SV2C: variants seen among roughly 807,000 people sequenced by gnomAD.
SV2C encodes the protein solute carrier family 22 member B3.
SV2C carries 49 observed loss-of-function variants against 79.7 expected under a neutral mutation model. That is an observed-to-expected ratio of 0.61 (90% CI 0.49 to 0.78). The LOEUF is 0.78. SV2C is among the 30% of genes least tolerant of loss of function. SV2C has a pLI of 0.00. For synonymous variants in SV2C, 334 were observed against 333.2 expected (o/e 1.00, Z -0.03); for missense variants, 833 against 912.9 (o/e 0.91, Z 1.13).
the SV2C span, among the ~76,000 whole-genome samples, chr5:76,040,008 A>C: frequency 1.3e-5 from 2 of 152,202 alleles, no homozygotes. Context: ...GGCATCTTTT[A>C]TACAAAGGAC....
chr5:76,019,637 T>C, the SV2C span, among the ~76,000 whole-genome samples: 1 of 152,094 alleles, frequency 6.6e-6, no homozygotes, highest in African/African-American at 2.4e-5. Context: ...ATTCTATAAA[T>C]TGGGCTAATT....
rs550168883 is a variant in SV2C at position 76,151,709 on chromosome 5, C to G, written c.580+19379C>G. Among the ~76,000 whole-genome samples, 3 of 152,238 alleles carry G rather than the reference C, an allele frequency of 2.0e-5. No homozygotes were observed. The East Asian group carries it at 5.8e-4, about 29-fold the overall frequency. On this transcript the variant is annotated intron_variant, in intron 2 of 12. Coordinates refer to ENST00000502798, the MANE Select transcript of SV2C (RefSeq NM_014979.4). Reference sequence around the variant, plus strand: ...GTTGGCGGGGAGGTGGGAGAGCCCACTTGTAGGAAGGAAGATGTGTTTGGT... The same window carrying G: ...GTTGGCGGGGAGGTGGGAGAGCCCAGTTGTAGGAAGGAAGATGTGTTTGGT...
chr5:76,128,939 T>C (rs1306438230), intron 1 of SV2C, among the ~76,000 whole-genome samples: 1 of 152,214 alleles, frequency 6.6e-6, no homozygotes, highest in Non-Finnish European at 1.5e-5. Flanking sequence ...GATACAAATC[T>C]GCCATTTTCC....
the SV2C span, among the ~76,000 whole-genome samples, chr5:76,039,756 CAAAAAAAAA>C: frequency 0.012 from 1,440 of 119,088 alleles, 24 homozygotes; most frequent in African/African-American, 0.042. Flanking sequence ...AACTCCATCT[CAAAAAAAAA>C]AAAAAAAAGA....
the SV2C span, among the ~76,000 whole-genome samples, chr5:76,004,499 T>C: frequency 2.0e-5 from 3 of 152,310 alleles, no homozygotes; most frequent in Admixed American, 1.3e-4. Flanking sequence ...TATACATTAC[T>C]TTCAGCATCA....
At chr5:75,967,895 A>G in the SV2C span, among the ~76,000 whole-genome samples, 6 of 152,230 alleles carry the variant, frequency 3.9e-5, no homozygotes, top group African/African-American at 1.4e-4. Flanking sequence ...CCTGACCCCC[A>G]AGTAGCCTAA....
At chr5:76,075,938 A>T in the SV2C span, 1 of 202,636 alleles carries the variant, frequency 4.9e-6, no homozygotes, top group South Asian at 1.0e-4. Context: ...TTTATTTACT[A>T]TTTTTTGCAT....
the SV2C span, among the ~76,000 whole-genome samples, chr5:75,956,913 T>G: frequency 6.6e-6 from 1 of 151,854 alleles, no homozygotes; most frequent in Non-Finnish European, 1.5e-5. Context: ...CTCCTACAGA[T>G]TTGCACATAC....
chr5:75,996,266 C>G, the SV2C span, among the ~76,000 whole-genome samples: 9 of 152,198 alleles, frequency 5.9e-5, no homozygotes, highest in South Asian at 8.3e-4. Flanking sequence ...GCTTGTTTTT[C>G]TCAGGTTTGT....
At chr5:76,254,262 A>T (rs1341188719) in intron 4 of SV2C, among the ~76,000 whole-genome samples, 1 of 151,414 alleles carries the variant, frequency 6.6e-6, no homozygotes, top group Non-Finnish European at 1.5e-5. Context: ...ATATATAGAG[A>T]GAGAGAGAGA....
At chr5:76,104,040 T>C (rs1747825652) in intron 1 of SV2C, among the ~76,000 whole-genome samples, 1 of 152,186 alleles carries the variant, frequency 6.6e-6, no homozygotes, top group Admixed American at 6.5e-5. Context: ...TTCTATGTAG[T>C]CTATGGAAGG....
chr5:76,153,158 C>G (rs551639211), intron 2 of SV2C, among the ~76,000 whole-genome samples: 2 of 152,096 alleles, frequency 1.3e-5, no homozygotes, highest in Non-Finnish European at 2.9e-5. Context: ...GTAGGGACCC[C>G]GAGCTCTTTC....
intron 12 of SV2C, among the ~76,000 whole-genome samples, chr5:76,312,244 AG>A (rs932664613): frequency 5.5e-5 from 8 of 145,206 alleles, no homozygotes; most frequent in Non-Finnish European, 1.2e-4. Flanking sequence ...CTTATGGCTC[AG>A]GGGCCACTTT....
the SV2C span, among the ~76,000 whole-genome samples, chr5:75,934,822 G>A: frequency 0.25 from 38,433 of 151,534 alleles, 6,431 homozygotes; most frequent in African/African-American, 0.48. Flanking sequence ...AGAGAGTCAA[G>A]GAAGAGTAGT....
At chr5:76,309,982 A>C (rs1315248346) in intron 12 of SV2C, among the ~76,000 whole-genome samples, 1 of 152,106 alleles carries the variant, frequency 6.6e-6, no homozygotes, top group East Asian at 1.9e-4. Flanking sequence ...TTGGCATTTG[A>C]ATATTTTTGT....
chr5:76,149,380 T>C (rs1363956772), intron 2 of SV2C, among the ~76,000 whole-genome samples: 1 of 152,172 alleles, frequency 6.6e-6, no homozygotes, highest in Non-Finnish European at 1.5e-5. Flanking sequence ...AGTGCAGGTT[T>C]CGATACTGCA....
intron 4 of SV2C, among the ~76,000 whole-genome samples, chr5:76,220,617 T>TAAAAAA (rs5868813): frequency 7.8e-6 from 1 of 127,664 alleles, no homozygotes; most frequent in South Asian, 2.6e-4. Flanking sequence ...GACACTGTCT[T>TAAAAAA]AAAAAAAAAA....
intron 10 of SV2C, among the ~76,000 whole-genome samples, 174 bp from the exon 11 acceptor site, chr5:76,300,555 C>CT (rs570504211): frequency 4.3e-4 from 65 of 152,198 alleles, no homozygotes; most frequent in African/African-American, 1.4e-3. Flanking sequence ...TGTGAAGACC[C>CT]AGACTAGATC....
the SV2C span, among the ~76,000 whole-genome samples, chr5:76,034,956 GTTCT>G: frequency 2.0e-5 from 3 of 151,974 alleles, no homozygotes; most frequent in Admixed American, 6.6e-5. Flanking sequence ...AGAGATTCAA[GTTCT>G]CCTGGTTTAG....
Sources: gnomAD v4.1 joint callset for allele counts (sites outside exome capture counted in the v4.1 genomes callset) on GRCh38, gnomAD v4.1.1 for gene constraint, MANE v1.5 for transcripts, NCBI Gene and HGNC (gene_info 2026-07-23, HGNC 2026-07-21) for gene names.